The following DNAJC13 variants were observed in gnomAD, a reference collection of about 807,000 sequenced individuals.
The protein encoded by DNAJC13 is dnaJ homolog subfamily C member 13.
DNAJC13 carries 75 observed loss-of-function variants against 290.5 expected under a neutral mutation model. The observed-to-expected ratio is 0.26, with a 90% CI of 0.21 to 0.31. DNAJC13 has a LOEUF of 0.31. Ranked by LOEUF, DNAJC13 falls within the 10% of genes least tolerant of loss-of-function variation. The pLI is 1.00. For missense variants in DNAJC13, 2,260 were observed against 2,674.5 expected, an observed-to-expected ratio of 0.85 and a Z score of 3.42; for synonymous variants, 862 against 892.0, an observed-to-expected ratio of 0.97 and a Z score of 0.60.
At chr3:132,489,972 A>T (rs1291934784) in intron 31 of DNAJC13, among the ~76,000 whole-genome samples, 1 of 152,230 alleles carries the variant, frequency 6.6e-6, no homozygotes, top group African/African-American at 2.4e-5. Flanking sequence ...AATGATTTGT[A>T]TCATTTCAGC....
chr3:132,520,916 A>C (rs1212004714), intron 48 of DNAJC13, among the ~76,000 whole-genome samples: 1 of 152,234 alleles, frequency 6.6e-6, no homozygotes, highest in East Asian at 1.9e-4. Flanking sequence ...TAAAAATTTC[A>C]ATTTTTGTTT....
intron 55 of DNAJC13, among the ~76,000 whole-genome samples, chr3:132,536,822 T>G (rs1936605397): frequency 6.6e-6 from 1 of 152,140 alleles, no homozygotes; most frequent in Middle Eastern, 3.4e-3. Context: ...AAGGCAGGAG[T>G]TGATAGATGC....
intron 1 of DNAJC13, among the ~76,000 whole-genome samples, chr3:132,429,887 T>C (rs538340338): frequency 8.5e-5 from 13 of 152,280 alleles, no homozygotes; most frequent in Middle Eastern, 3.4e-3. Context: ...TTTTATTGGA[T>C]GCAGAGTAAA....
intron 27 of DNAJC13, 53 bp downstream of exon 27, chr3:132,482,383 C>A (rs1358963843): frequency 7.1e-7 from 1 of 1,406,696 alleles, no homozygotes; most frequent in African/African-American, 1.4e-5. Flanking sequence ...CTTATGCCCT[C>A]CTGCTTAGCA....
At chr3:132,517,235 A>C (rs771947104) in intron 48 of DNAJC13, among the ~76,000 whole-genome samples, 1 of 152,232 alleles carries the variant, frequency 6.6e-6, no homozygotes, top group South Asian at 2.1e-4. Context: ...CAGTGAATTC[A>C]TATAGGGGCA....
At chr3:132,501,034 G>A in intron 39 of DNAJC13, 121 bp downstream of exon 39, 2 of 1,286,336 alleles carry the variant, frequency 1.6e-6, no homozygotes, top group Non-Finnish European at 2.1e-6. Flanking sequence ...AAATTATTTG[G>A]ATTTCTAAAA....
chr3:132,538,098 G>T (rs990178701), intron 55 of DNAJC13, 78 bp from the exon 56 acceptor site: 1 of 1,168,496 alleles, frequency 8.6e-7, no homozygotes. Flanking sequence ...GCCTGAGCAG[G>T]TTCTGACATT....
At chr3:132,521,419 T>C (rs892105181) in intron 48 of DNAJC13, among the ~76,000 whole-genome samples, 5 of 152,186 alleles carry the variant, frequency 3.3e-5, no homozygotes, top group African/African-American at 1.2e-4. Context: ...TGGCCTGATA[T>C]AGCAAGATGG....
intron 38 of DNAJC13, 148 bp downstream of exon 38, chr3:132,499,956 T>TGG: frequency 1.5e-6 from 1 of 684,734 alleles, no homozygotes; most frequent in African/African-American, 1.8e-5. Context: ...GAGTCTGGGG[T>TGG]GGTGGCCTGA....
At chr3:132,509,389 T>G (rs944329362) in intron 43 of DNAJC13, among the ~76,000 whole-genome samples, 1 of 152,170 alleles carries the variant, frequency 6.6e-6, no homozygotes, top group African/African-American at 2.4e-5. Flanking sequence ...TTATAAAACT[T>G]GAAGAGAAAA....
chr3:132,452,486 C>T (rs1380090982), intron 6 of DNAJC13, among the ~76,000 whole-genome samples: 4 of 152,192 alleles, frequency 2.6e-5, no homozygotes, highest in Admixed American at 2.6e-4. Context: ...ACAATTCTTT[C>T]TTGTGTGGGA....
At chr3:132,523,465 A>G (rs1936158746) in intron 50 of DNAJC13, 75 bp from the exon 51 acceptor site, 5 of 1,481,736 alleles carry the variant, frequency 3.4e-6, no homozygotes, top group East Asian at 2.3e-5. Context: ...ATTATAAACA[A>G]TTCTTTAATA....
At chr3:132,520,912 T>A (rs1009162915) in intron 48 of DNAJC13, among the ~76,000 whole-genome samples, 2 of 152,210 alleles carry the variant, frequency 1.3e-5, no homozygotes, top group Non-Finnish European at 2.9e-5. Context: ...GCCATAAAAA[T>A]TTCAATTTTT....
At chr3:132,524,824 G>T (rs1179162163) in intron 51 of DNAJC13, among the ~76,000 whole-genome samples, 1 of 152,128 alleles carries the variant, frequency 6.6e-6, no homozygotes, top group African/African-American at 2.4e-5. Flanking sequence ...TATGTTTCTG[G>T]ATGTGTGCAT....
chr3:132,526,037 A>C (rs1373421880), intron 52 of DNAJC13, 104 bp from the exon 53 acceptor site: 4 of 1,445,054 alleles, frequency 2.8e-6, no homozygotes, highest in Non-Finnish European at 3.7e-6. Flanking sequence ...TTAAACTGAA[A>C]GTAAGGGATT....
At position 132,462,479 on chromosome 3, in the gene DNAJC13, G is replaced by A. The variant is rs1477354346; in HGVS notation, c.1726G>A (p.Ala576Thr). ...CCTCACTTTAAAGCATCCTTCCATG[G>A]CAATAATAAAAGGAGCTGGGTTGGT... ...LFKLFQHPSM[A>T]IIKGAGLVMK... Residue 576 changes from alanine (A) to threonine (T), a missense_variant, in exon 16 of 56, where the codon GCA becomes ACA. This residue lies in a region of DNAJC13 where 762 missense variants were observed against 964.1 expected (regional missense o/e 0.79). Coordinates refer to ENST00000260818, the MANE Select transcript of DNAJC13 (RefSeq NM_015268.4). The A allele has an allele frequency of 3.1e-6, 5 of 1,608,464 alleles. No homozygotes were observed. Among genetic ancestry groups the A allele is most frequent in the Non-Finnish European group, 2.5e-6 (3 of 1,178,216 alleles).
chr3:132,533,186 C>G (rs1405093918), intron 55 of DNAJC13, among the ~76,000 whole-genome samples: 3 of 150,452 alleles, frequency 2.0e-5, no homozygotes, highest in Admixed American at 6.6e-5. Flanking sequence ...TTCCCAAGTA[C>G]TTGGGATGAT....
At chr3:132,533,327 C>A (rs1248092978) in intron 55 of DNAJC13, among the ~76,000 whole-genome samples, 1 of 140,528 alleles carries the variant, frequency 7.1e-6, no homozygotes, top group East Asian at 2.3e-4. Context: ...CCAGCATGCC[C>A]GCCCTCTTTT....
At chr3:132,513,872 G>A (rs750609700) in intron 45 of DNAJC13, among the ~76,000 whole-genome samples, 30 of 152,184 alleles carry the variant, frequency 2.0e-4, no homozygotes, top group Non-Finnish European at 3.7e-4. Context: ...AACACCAAAT[G>A]CAACCCTGCA....
Sources: gnomAD v4.1 joint callset for allele counts (sites outside exome capture counted in the v4.1 genomes callset) on GRCh38, gnomAD v4.1.1 for gene constraint, gnomAD v4.1.1 regional missense constraint, MANE v1.5 for transcripts, NCBI Gene and HGNC (gene_info 2026-07-23, HGNC 2026-07-21) for gene names.